The following CHD7 variants were observed in gnomAD, a reference collection of about 807,000 sequenced individuals.
The protein encoded by CHD7 is ATP-dependent chromatin remodeler CHD7.
Under a neutral mutation model 307.3 loss-of-function variants are expected in CHD7, and 24 were observed. That is an observed-to-expected ratio of 0.08 (90% CI 0.06 to 0.11). CHD7 has a LOEUF of 0.11. CHD7 is among the 10% of genes least tolerant of loss of function. CHD7 has a pLI of 1.00. For missense variants in CHD7, 3,106 were observed against 3,727.1 expected, an observed-to-expected ratio of 0.83 and a Z score of 4.34; for synonymous variants, 1,363 against 1,349.9, an observed-to-expected ratio of 1.01 and a Z score of -0.21.
intron 2 of CHD7, among the ~76,000 whole-genome samples, chr8:60,752,491 T>C (rs191499679): frequency 6.6e-6 from 1 of 152,340 alleles, no homozygotes; most frequent in Non-Finnish European, 1.5e-5. Context: ...TTTAGGCAGT[T>C]GGGAGGTTGC....
intron 1 of CHD7, among the ~76,000 whole-genome samples, chr8:60,729,868 T>G (rs1410055390): frequency 6.6e-6 from 1 of 152,242 alleles, no homozygotes; most frequent in Non-Finnish European, 1.5e-5. Context: ...AATTTATGAC[T>G]ACTTAAAGTG....
intron 24 of CHD7, among the ~76,000 whole-genome samples, 170 bp downstream of exon 24, chr8:60,848,774 G>C (rs1805322434): frequency 6.6e-6 from 1 of 152,126 alleles, no homozygotes; most frequent in African/African-American, 2.4e-5. Context: ...TGAGAATCAG[G>C]AAAAGGCTGT....
chr8:60,840,615 G>T (rs1280642841), intron 19 of CHD7, among the ~76,000 whole-genome samples: 1 of 132,882 alleles, frequency 7.5e-6, no homozygotes, highest in Non-Finnish European at 1.6e-5. Context: ...ACCTTTTAAA[G>T]AATATGTTTC....
chr8:60,694,818 G>A (rs1054429400), intron 1 of CHD7, among the ~76,000 whole-genome samples: 1 of 152,242 alleles, frequency 6.6e-6, no homozygotes, highest in Non-Finnish European at 1.5e-5. Flanking sequence ...CAGCAGGTTG[G>A]ATAGATAGGG....
rs1171333021 is a variant in CHD7, at chr8:60,737,115, CT to C, written c.-174-4140del. Among the ~76,000 whole-genome samples the C allele has an allele frequency of 1.1e-4, 16 of 152,086 alleles. No homozygotes were observed. The East Asian group carries it at 3.1e-3, about 29-fold the overall frequency. ...ATCTTGGTTTCTTGCGCACCCGTTG[CT>C]TTTATCATTGATTCTGTCTGTGCTT... On this transcript the variant is annotated intron_variant, in intron 1 of 37. Transcript: ENST00000423902.
intron 13 of CHD7, among the ~76,000 whole-genome samples, chr8:60,827,259 AAAG>A (rs1390193826): frequency 2.7e-5 from 4 of 150,350 alleles, no homozygotes; most frequent in Non-Finnish European, 5.9e-5. Flanking sequence ...AAAAAAAAAA[AAAG>A]AAAGGAGTTC....
At chr8:60,813,641 A>G (rs1310397828) in intron 7 of CHD7, among the ~76,000 whole-genome samples, 5 of 152,230 alleles carry the variant, frequency 3.3e-5, no homozygotes, top group African/African-American at 7.2e-5. Context: ...TGCAGTGTCA[A>G]TAGAAATAAT....
intron 1 of CHD7, among the ~76,000 whole-genome samples, chr8:60,701,298 T>G (rs937066730): frequency 6.6e-5 from 10 of 152,248 alleles, no homozygotes; most frequent in Non-Finnish European, 1.5e-5. Context: ...ACCAGTCTTT[T>G]CAGTCACATG....
intron 1 of CHD7, among the ~76,000 whole-genome samples, chr8:60,738,819 C>T (rs973345952): frequency 1.3e-5 from 2 of 152,096 alleles, no homozygotes; most frequent in East Asian, 1.9e-4. Flanking sequence ...TTGTGCCGAG[C>T]GACATGCTTA....
At chr8:60,848,407 A>T (rs1226724652) in intron 23 of CHD7, 108 bp from the exon 24 acceptor site, 2 of 705,890 alleles carry the variant, frequency 2.8e-6, no homozygotes, top group Non-Finnish European at 5.0e-6. Flanking sequence ...CAGCATGGCT[A>T]ATCAGCCTTG....
chr8:60,679,053 A>G lies in CHD7; in HGVS notation c.-204A>G, dbSNP rs1805421607. 1 of 149,656 alleles carries G rather than the reference A, an allele frequency of 6.7e-6. No individual in the cohort carries two copies. The highest frequency in any genetic ancestry group is 1.5e-5 in the Non-Finnish European group (1 of 67,630). 9.3% of individuals were successfully genotyped at this position (149,656 alleles called of 1,614,324 possible). A position where few individuals can be genotyped will look rare whatever the true frequency, so the allele number is the denominator to read the frequency against. On this transcript the variant is annotated 5_prime_UTR_variant, in exon 1 of 38. Coordinates refer to ENST00000423902, the MANE Select transcript of CHD7 (RefSeq NM_017780.4). The stretch of plus-strand genomic sequence containing the variant: ...CTCTGCGTTTTGTTTTCCCCTCGGC[A>G]CTAGGCAGCGGAGGAGCCCGACCGA...
intron 2 of CHD7, among the ~76,000 whole-genome samples, chr8:60,771,058 TA>T (rs1416746063): frequency 6.6e-6 from 1 of 152,242 alleles, no homozygotes; most frequent in East Asian, 1.9e-4. Flanking sequence ...AAAATGGTGA[TA>T]ACTTCACTGG....
chr8:60,794,481 A>G (rs903475966), intron 3 of CHD7, among the ~76,000 whole-genome samples: 12 of 152,222 alleles, frequency 7.9e-5, no homozygotes, highest in African/African-American at 2.9e-4. Flanking sequence ...ATTGCTATGT[A>G]TTTTTATTAC....
At chr8:60,804,275 C>G (rs1812443537) in intron 6 of CHD7, among the ~76,000 whole-genome samples, 1 of 151,958 alleles carries the variant, frequency 6.6e-6, no homozygotes. Context: ...TTTTGTTTTC[C>G]TTGTTTAGTC....
intron 2 of CHD7, among the ~76,000 whole-genome samples, chr8:60,756,722 C>G (rs1311976720): frequency 6.6e-6 from 1 of 152,162 alleles, no homozygotes; most frequent in Non-Finnish European, 1.5e-5. Context: ...CGCATACACA[C>G]ACACACATTT....
At chr8:60,737,447 C>T (rs981636821) in intron 1 of CHD7, among the ~76,000 whole-genome samples, 2 of 152,154 alleles carry the variant, frequency 1.3e-5, no homozygotes, top group Admixed American at 6.6e-5. Flanking sequence ...TTACTCCTCT[C>T]AGTCTATAAA....
intron 37 of CHD7, chr8:60,863,688 T>C (rs181938067): frequency 2.0e-5 from 3 of 152,116 alleles, no homozygotes; most frequent in African/African-American, 7.2e-5. Context: ...TGGGTTTATA[T>C]TATGTTATAC....
chr8:60,855,764 C>T (rs1805670466), intron 32 of CHD7, among the ~76,000 whole-genome samples: 1 of 152,214 alleles, frequency 6.6e-6, no homozygotes, highest in African/African-American at 2.4e-5. Context: ...GTGTTGAAGC[C>T]ACCTAGGACC....
intron 1 of CHD7, among the ~76,000 whole-genome samples, chr8:60,707,274 A>G (rs1306297986): frequency 6.6e-6 from 1 of 152,188 alleles, no homozygotes; most frequent in East Asian, 1.9e-4. Context: ...AACTAGATTT[A>G]TTGATAGTGA....
Sources: allele counts gnomAD v4.1 joint callset (sites outside exome capture counted in the v4.1 genomes callset), GRCh38; gene constraint gnomAD v4.1.1; transcripts MANE v1.5; gene names NCBI Gene and HGNC (gene_info 2026-07-23, HGNC 2026-07-21).